The following SGCZ variants were observed in gnomAD, a reference collection of about 807,000 sequenced individuals.
SGCZ encodes sarcoglycan zeta, also known as zeta-sarcoglycan.
A neutral mutation model predicts 41.3 loss-of-function variants in SGCZ; 40 were observed. That is an observed-to-expected ratio of 0.97 (90% CI 0.75 to 1.26). The LOEUF is 1.26. Among genes scored for constraint, SGCZ ranks in the 50% most tolerant of loss-of-function variants. SGCZ has a pLI of 0.00. For synonymous variants in SGCZ, 206 were observed against 137.5 expected (o/e 1.50, Z -3.49); for missense variants, 552 against 369.8 (o/e 1.49, Z -4.04).
intron 1 of SGCZ, among the ~76,000 whole-genome samples, chr8:14,887,185 C>A (rs78723251): frequency 0.018 from 2,784 of 152,192 alleles, 89 homozygotes; most frequent in African/African-American, 0.063. Context: ...GAAGTCTTCA[C>A]TGGAGATATA....
At chr8:15,207,609 T>C (rs1801107911) in intron 1 of SGCZ, among the ~76,000 whole-genome samples, 1 of 152,052 alleles carries the variant, frequency 6.6e-6, no homozygotes, top group Admixed American at 6.6e-5. Flanking sequence ...TCAGGAATCC[T>C]AGAGAAGGCA....
chr8:15,144,914 C>G (rs534401726), intron 1 of SGCZ, among the ~76,000 whole-genome samples: 3 of 152,306 alleles, frequency 2.0e-5, no homozygotes, highest in East Asian at 3.9e-4. Context: ...TACATTCCAT[C>G]TGCTGCTTTT....
intron 3 of SGCZ, among the ~76,000 whole-genome samples, chr8:14,319,177 T>A (rs1016716539): frequency 3.3e-5 from 5 of 151,948 alleles, no homozygotes; most frequent in African/African-American, 1.2e-4. Context: ...AGCTATTAAG[T>A]GGCAAAATAG....
At chr8:15,038,104 A>T (rs1345827654) in intron 1 of SGCZ, among the ~76,000 whole-genome samples, 1 of 152,100 alleles carries the variant, frequency 6.6e-6, no homozygotes, top group African/African-American at 2.4e-5. Context: ...TATAAAAAAA[A>T]ATCTAAAATT....
intron 1 of SGCZ, among the ~76,000 whole-genome samples, chr8:15,082,307 T>G (rs948027536): frequency 5.3e-5 from 8 of 152,172 alleles, no homozygotes; most frequent in Admixed American, 4.6e-4. Flanking sequence ...TAGTTTAGTT[T>G]ATTTGGAATC....
chr8:14,520,756 A>C (rs762531419), intron 2 of SGCZ, among the ~76,000 whole-genome samples: 45 of 152,154 alleles, frequency 3.0e-4, no homozygotes, highest in Non-Finnish European at 5.7e-4. Context: ...TCTGACATTC[A>C]AAAGGAATCT....
At chr8:14,644,213 T>C (rs1563174657) in intron 1 of SGCZ, among the ~76,000 whole-genome samples, 1 of 151,746 alleles carries the variant, frequency 6.6e-6, no homozygotes. Flanking sequence ...TTTTTTTAGA[T>C]GAGGTAAACA....
intron 1 of SGCZ, among the ~76,000 whole-genome samples, chr8:15,233,101 G>C (rs961854213): frequency 9.2e-5 from 14 of 151,722 alleles, no homozygotes; most frequent in Non-Finnish European, 1.6e-4. Flanking sequence ...CTTTAGATGT[G>C]AAACAAGTCA....
chr8:14,167,761 C>A (rs985809266), intron 4 of SGCZ, among the ~76,000 whole-genome samples: 2 of 152,188 alleles, frequency 1.3e-5, no homozygotes, highest in Admixed American at 1.3e-4. Context: ...TCTTGCTTCT[C>A]TCAGAGATGG....
rs1213536944 is a variant in SGCZ, at chr8:14,086,529, A to C, written c.*3914T>G. On this transcript the variant is annotated 3_prime_UTR_variant, in exon 8 of 8. Coordinates refer to ENST00000382080, the MANE Select transcript of SGCZ (RefSeq NM_139167.4). ...CTGTGATCACATTATCATTTCTTCA[A>C]AAGATCACTGCTTTTTAGCTTTATG... 6.6e-6 allele frequency among the ~76,000 whole-genome samples: 1 copy of C among 151,752 alleles called. No homozygotes were observed.
intron 1 of SGCZ, among the ~76,000 whole-genome samples, chr8:14,630,378 G>A (rs1390239786): frequency 2.6e-5 from 4 of 152,074 alleles, no homozygotes; most frequent in East Asian, 3.9e-4. Context: ...GATTGGCTGC[G>A]ATGGAGAGGA....
At chr8:14,472,955 C>T (rs879328195) in intron 2 of SGCZ, among the ~76,000 whole-genome samples, 2 of 152,160 alleles carry the variant, frequency 1.3e-5, no homozygotes, top group Non-Finnish European at 2.9e-5. Context: ...TTTTCAAGAA[C>T]TGCAAGACCC....
intron 1 of SGCZ, among the ~76,000 whole-genome samples, chr8:15,046,922 T>C (rs1441878024): frequency 6.6e-6 from 1 of 152,004 alleles, no homozygotes; most frequent in Non-Finnish European, 1.5e-5. Context: ...CATCTTAGAA[T>C]ATACAGGAAA....
chr8:15,170,858 C>A (rs1799807793), intron 1 of SGCZ, among the ~76,000 whole-genome samples: 1 of 152,154 alleles, frequency 6.6e-6, no homozygotes. Flanking sequence ...AATTGTGAAA[C>A]ATCTATGATT....
At chr8:14,928,843 T>A (rs1209595225) in intron 1 of SGCZ, among the ~76,000 whole-genome samples, 1 of 152,212 alleles carries the variant, frequency 6.6e-6, no homozygotes, top group African/African-American at 2.4e-5. Flanking sequence ...AATGTGTTTA[T>A]TTTAATATAC....
intron 7 of SGCZ, among the ~76,000 whole-genome samples, chr8:14,102,104 A>AT (rs58555468): frequency 0.029 from 2,178 of 76,026 alleles, 31 homozygotes; most frequent in Admixed American, 0.082. Flanking sequence ...ATATATATAT[A>AT]ATTTTTTTTT....
intron 1 of SGCZ, among the ~76,000 whole-genome samples, chr8:14,899,484 G>A (rs563466636): frequency 6.6e-6 from 1 of 152,272 alleles, no homozygotes; most frequent in Non-Finnish European, 1.5e-5. Flanking sequence ...CTACAAAGTT[G>A]CTAAACTTTG....
At position 14,237,609 on chromosome 8, in the gene SGCZ, G is replaced by A. The variant is rs750258920; in HGVS notation, c.407C>T (p.Thr136Ile). 1.2e-6 allele frequency: 2 copies of A among 1,613,830 alleles called. No individual in the cohort carries two copies. The highest frequency in any genetic ancestry group is 3.3e-5 in the Admixed American group (2 of 60,002). Reference sequence around the variant, plus strand: ...ACACTCACCTATGGTCAGCTGTCCGGTTAACTGCCCCATGTGATTTCTTGC... The same window carrying A: ...ACACTCACCTATGGTCAGCTGTCCGATTAACTGCCCCATGTGATTTCTTGC... ...VNARNHMGQL[T>I]GQLTIGADAV... The change falls in exon 4 of 8, where the codon ACC becomes ATC. Residue 136 changes from threonine to isoleucine, a missense_variant. Coordinates refer to ENST00000382080, the MANE Select transcript of SGCZ (RefSeq NM_139167.4).
chr8:14,920,942 C>G (rs140263942), intron 1 of SGCZ, among the ~76,000 whole-genome samples: 2 of 152,144 alleles, frequency 1.3e-5, no homozygotes, highest in African/African-American at 2.4e-5. Flanking sequence ...GTGGCTTCTA[C>G]GCTCAGAACA....
Sources: allele counts gnomAD v4.1 joint callset (sites outside exome capture counted in the v4.1 genomes callset), GRCh38; gene constraint gnomAD v4.1.1; transcripts MANE v1.5; gene names NCBI Gene and HGNC (gene_info 2026-07-23, HGNC 2026-07-21).